RPA2: variants seen among roughly 807,000 people sequenced by gnomAD.
RPA2 encodes replication protein A 32 kDa subunit.
RPA2 carries 22 observed loss-of-function variants against 33.4 expected under a neutral mutation model. That is an observed-to-expected ratio of 0.66 (90% CI 0.47 to 0.94). The LOEUF is 0.94. RPA2 is among the 40% of genes least tolerant of loss of function. The pLI is 0.00. For missense variants in RPA2, 279 were observed against 329.9 expected (o/e 0.85, Z 1.19); for synonymous variants, 109 against 114.9 (o/e 0.95, Z 0.33).
At chr1:27,903,130 T>C (rs974339704) in intron 4 of RPA2, among the ~76,000 whole-genome samples, 2 of 152,116 alleles carry the variant, frequency 1.3e-5, no homozygotes, top group African/African-American at 4.8e-5. Flanking sequence ...GGTTTCACCA[T>C]GTTGGCGGTG....
chr1:27,901,354 A>T (rs562975231), intron 4 of RPA2, among the ~76,000 whole-genome samples: 137 of 152,140 alleles, frequency 9.0e-4, no homozygotes, highest in African/African-American at 3.2e-3. Context: ...TGTTAGCCAT[A>T]AAGTTTTTTT....
At chr1:27,907,759 A>T (rs1273413804) in intron 2 of RPA2, among the ~76,000 whole-genome samples, 1 of 148,432 alleles carries the variant, frequency 6.7e-6, no homozygotes, top group African/African-American at 2.6e-5. Context: ...TAAAAGGTAG[A>T]AGAATAGCTT....
chr1:27,914,011 T>C, intron 2 of RPA2, 52 bp downstream of exon 2: 1 of 1,487,162 alleles, frequency 6.7e-7, no homozygotes, highest in East Asian at 2.3e-5. Context: ...CATAGATGAC[T>C]CAGGGACTTC....
At chr1:27,892,282 C>T (rs1244030322) in intron 8 of RPA2, 35 bp from the exon 9 acceptor site, 1 of 1,573,686 alleles carries the variant, frequency 6.4e-7, no homozygotes, top group African/African-American at 1.4e-5. Context: ...AGGTCATTTT[C>T]AGGCCAATTC....
intron 4 of RPA2, among the ~76,000 whole-genome samples, chr1:27,898,478 C>T (rs1050883169): frequency 1.3e-5 from 2 of 151,606 alleles, no homozygotes; most frequent in Admixed American, 6.6e-5. Context: ...TAATTAAAAA[C>T]GATTTTAATA....
chr1:27,897,367 G>A (rs1046885757), intron 5 of RPA2, among the ~76,000 whole-genome samples: 5 of 151,894 alleles, frequency 3.3e-5, no homozygotes, highest in African/African-American at 4.8e-5. Context: ...TCCTGACTCC[G>A]AATCTAGTGT....
chr1:27,914,557 C>A lies in RPA2; in HGVS notation c.-114G>T. On this transcript the variant is annotated 5_prime_UTR_variant, in exon 1 of 9. Transcript: ENST00000373912. ...CTCTGGCTACTTTTCTCTGGCACCA[C>A]AAACGCCTTCCCGCGAATGGCGGAG... The A allele has an allele frequency of 6.2e-7, 1 of 1,611,504 alleles. No homozygotes were observed. The highest frequency in any genetic ancestry group is 8.5e-7 in the Non-Finnish European group (1 of 1,179,082).
At chr1:27,909,448 T>C (rs2090070640) in intron 2 of RPA2, among the ~76,000 whole-genome samples, 1 of 152,096 alleles carries the variant, frequency 6.6e-6, no homozygotes, top group African/African-American at 2.4e-5. Context: ...CCAGGCGTGG[T>C]GGGTAACGCC....
chr1:27,903,611 CGA>C (rs2089993387), intron 4 of RPA2, among the ~76,000 whole-genome samples: 1 of 151,180 alleles, frequency 6.6e-6, no homozygotes, highest in African/African-American at 2.4e-5. Context: ...CCCAACTACT[CGA>C]GAGGCTGAGG....
intron 4 of RPA2, among the ~76,000 whole-genome samples, chr1:27,906,094 G>C (rs1306938228): frequency 6.6e-6 from 1 of 152,162 alleles, no homozygotes; most frequent in African/African-American, 2.4e-5. Context: ...TCTAGGCCGG[G>C]CGTGAGGGCT....
At chr1:27,910,775 C>A (rs1168350975) in intron 2 of RPA2, among the ~76,000 whole-genome samples, 1 of 151,896 alleles carries the variant, frequency 6.6e-6, no homozygotes, top group Non-Finnish European at 1.5e-5. Flanking sequence ...TGGGAGGATC[C>A]CTTGACCCCT....
At chr1:27,908,764 T>C (rs2090062797) in intron 2 of RPA2, among the ~76,000 whole-genome samples, 2 of 152,124 alleles carry the variant, frequency 1.3e-5, no homozygotes, top group South Asian at 4.1e-4. Context: ...TCTCAAAGTG[T>C]TGGGATTATA....
At chr1:27,910,974 G>T (rs988489192) in intron 2 of RPA2, among the ~76,000 whole-genome samples, 1 of 152,124 alleles carries the variant, frequency 6.6e-6, no homozygotes, top group African/African-American at 2.4e-5. Flanking sequence ...CCAACACTTT[G>T]GGAGGCCAAG....
intron 4 of RPA2, among the ~76,000 whole-genome samples, chr1:27,901,292 T>C (rs993959211): frequency 6.6e-6 from 1 of 152,082 alleles, no homozygotes; most frequent in Non-Finnish European, 1.5e-5. Context: ...GAATGTCCAC[T>C]AGCAAAAACA....
chr1:27,906,856 A>G, intron 4 of RPA2, 72 bp downstream of exon 4: 2 of 1,018,728 alleles, frequency 2.0e-6, no homozygotes, highest in Non-Finnish European at 2.9e-6. Context: ...AAAAACTTTA[A>G]AAAGACTAAA....
chr1:27,892,046 T>C lies in RPA2; in HGVS notation c.*117A>G. On this transcript the variant is annotated 3_prime_UTR_variant, in exon 9 of 9. Transcript: ENST00000373912. Reference sequence around the variant, plus strand: ...TCAAAAGGAAGTCAGAGGAGACATTTGATAGATGAAACCTACTTCCTAGAA... The same window carrying C: ...TCAAAAGGAAGTCAGAGGAGACATTCGATAGATGAAACCTACTTCCTAGAA... 1 of 702,164 alleles carries C rather than the reference T, an allele frequency of 1.4e-6. No homozygotes were observed. Among genetic ancestry groups the C allele is most frequent in the Non-Finnish European group, 2.4e-6 (1 of 410,160 alleles). The allele number at this position is 702,164 out of a possible 1,614,324, so 43.5% of individuals were successfully genotyped here. A position where few individuals can be genotyped will look rare whatever the true frequency, so the allele number is the denominator to read the frequency against.
Position 27,892,129 on chromosome 1 carries a change from C to T in RPA2, c.*34G>A. ...CAACAGATTGTGAAACTAGGTCCAG[C>T]TGTAAAATATCTCAGGTACCCAGTT... On this transcript the variant is annotated 3_prime_UTR_variant, in exon 9 of 9. Coordinates refer to ENST00000373912, the MANE Select transcript of RPA2 (RefSeq NM_002946.5). 5 of 1,551,092 alleles carry T rather than the reference C, an allele frequency of 3.2e-6. No homozygotes were observed. The highest frequency in any genetic ancestry group is 3.6e-6 in the Non-Finnish European group (4 of 1,124,334).
chr1:27,902,977 C>A (rs1289274883), intron 4 of RPA2, among the ~76,000 whole-genome samples: 1 of 152,134 alleles, frequency 6.6e-6, no homozygotes, highest in Non-Finnish European at 1.5e-5. Flanking sequence ...GTTGCCCAGG[C>A]TGAATGCAAT....
In RPA2 at chr1:27,892,082, C is replaced by CGTCT. The variant is rs1458501826; in HGVS notation, c.*80_*81insAGAC. On this transcript the variant is annotated 3_prime_UTR_variant, in exon 9 of 9. Coordinates refer to ENST00000373912, the MANE Select transcript of RPA2 (RefSeq NM_002946.5). Reference sequence around the variant, plus strand: ...ACCTACTTCCTAGAAGCCCCCTGGCCAGACATATGCAGAGCTGGAGACAAC... The same window carrying CGTCT: ...ACCTACTTCCTAGAAGCCCCCTGGCCGTCTAGACATATGCAGAGCTGGAGACAAC... The CGTCT allele has an allele frequency of 8.6e-7, 1 of 1,169,050 alleles. No individual in the cohort carries two copies. Among genetic ancestry groups the CGTCT allele is most frequent in the Non-Finnish European group, 1.3e-6 (1 of 796,590 alleles). 72.4% of individuals were successfully genotyped at this position (1,169,050 alleles called of 1,614,324 possible).
Sources: allele counts gnomAD v4.1 joint callset (sites outside exome capture counted in the v4.1 genomes callset), GRCh38; gene constraint gnomAD v4.1.1; transcripts MANE v1.5; gene names NCBI Gene and HGNC (gene_info 2026-07-23, HGNC 2026-07-21).